The following DZANK1 variants were observed in gnomAD, a reference collection of about 807,000 sequenced individuals.
DZANK1 encodes the protein double zinc ribbon and ankyrin repeat-containing protein 1.
In DZANK1, 91 loss-of-function variants were observed where a neutral mutation model predicts 94.5. That is an observed-to-expected ratio of 0.96 (90% CI 0.81 to 1.15). DZANK1 has a LOEUF of 1.15. DZANK1 is among the 50% of genes most tolerant of loss of function. The pLI is 0.00. For missense variants in DZANK1, 903 were observed against 916.4 expected (o/e 0.99, Z 0.19); for synonymous variants, 312 against 325.3 (o/e 0.96, Z 0.44).
At chr20:18,452,318 G>A (rs947980491) in intron 6 of DZANK1, among the ~76,000 whole-genome samples, 1 of 151,944 alleles carries the variant, frequency 6.6e-6, no homozygotes, top group Non-Finnish European at 1.5e-5. Flanking sequence ...GCAGGTCTGG[G>A]GATCGCCTCT....
intron 6 of DZANK1, among the ~76,000 whole-genome samples, chr20:18,450,927 T>C (rs776673919): frequency 6.6e-5 from 10 of 152,190 alleles, no homozygotes; most frequent in Admixed American, 5.2e-4. Context: ...AAGAATGCAC[T>C]GATATGCCTT....
chr20:18,385,892 C>T (rs1369575667), intron 19 of DZANK1, among the ~76,000 whole-genome samples: 1 of 152,194 alleles, frequency 6.6e-6, no homozygotes. Context: ...CAGGGTTTCT[C>T]TCCGTATTTC....
chr20:18,455,996 G>C (rs2059273331), intron 3 of DZANK1, among the ~76,000 whole-genome samples: 2 of 152,132 alleles, frequency 1.3e-5, no homozygotes, highest in South Asian at 4.1e-4. Flanking sequence ...CATTCTATTG[G>C]TCAAAAGCAA....
chr20:18,429,815 T>G (rs931843105), intron 9 of DZANK1, among the ~76,000 whole-genome samples: 3 of 152,234 alleles, frequency 2.0e-5, no homozygotes, highest in African/African-American at 7.2e-5. Context: ...CACTTCTTTC[T>G]AGAGCAGTGA....
At chr20:18,457,768 A>ATG (rs1158991086) in intron 3 of DZANK1, among the ~76,000 whole-genome samples, 26 of 152,198 alleles carry the variant, frequency 1.7e-4, no homozygotes, top group Non-Finnish European at 1.5e-5. Context: ...CACTGGCCAC[A>ATG]GCCTGGTACA....
rs561595706 is a variant in DZANK1, at chr20:18,408,213, G to A, written c.1432+4433C>T. 3.3e-5 allele frequency among the ~76,000 whole-genome samples: 5 copies of A among 152,316 alleles called. No homozygotes were observed. The South Asian group carries it at 1.0e-3, about 32-fold the overall frequency. On this transcript the variant is annotated intron_variant, in intron 13 of 20. Coordinates refer to ENST00000262547, the Ensembl canonical transcript of DZANK1. ...CGCCCGCTATCCCAGCTACTTGGGAGGCTGAGGCAGGAGAATCGCTTCAAC... is the reference window on the plus strand; with the variant it reads ...CGCCCGCTATCCCAGCTACTTGGGAAGCTGAGGCAGGAGAATCGCTTCAAC...
chr20:18,453,610 C>T, intron 5 of DZANK1, 121 bp downstream of exon 5: 1 of 692,664 alleles, frequency 1.4e-6, no homozygotes, highest in Non-Finnish European at 2.5e-6. Context: ...AGCATACTTT[C>T]CTGCCCCAGT....
chr20:18,429,831 A>G (rs1440575225), intron 9 of DZANK1, among the ~76,000 whole-genome samples: 1 of 152,194 alleles, frequency 6.6e-6, no homozygotes, highest in Non-Finnish European at 1.5e-5. Context: ...AGTGACCACG[A>G]CCCACAGTTA....
Position 18,413,499 on chromosome 20 carries a change from C to T in DZANK1, c.1243-664G>A, listed in dbSNP as rs146331215. ...CAAACTGGGTTAAGAAAGCCATGAA[C>T]GGCTGGGCATGGTGGCTCATGCCTG... On this transcript the variant is annotated intron_variant, in intron 12 of 20. Transcript: ENST00000262547. Among the ~76,000 whole-genome samples, 11 of 152,194 alleles carry T rather than the reference C, an allele frequency of 7.2e-5. No homozygotes were observed. The East Asian group carries it at 2.1e-3, about 29-fold the overall frequency.
At chr20:18,466,811 A>G (rs1001579083) in intron 1 of DZANK1, 185 bp downstream of exon 1, 3 of 152,392 alleles carry the variant, frequency 2.0e-5, no homozygotes, top group African/African-American at 7.2e-5. Flanking sequence ...CGCAGCCCGG[A>G]TCCGGAATCC....
chr20:18,426,884 T>A (rs2058067095), intron 10 of DZANK1, among the ~76,000 whole-genome samples, 183 bp downstream of exon 10: 1 of 152,224 alleles, frequency 6.6e-6, no homozygotes, highest in South Asian at 2.1e-4. Context: ...AAGTTAAGAC[T>A]TTGAAAACAA....
At chr20:18,395,774 C>T (rs1340157442) in intron 15 of DZANK1, among the ~76,000 whole-genome samples, 1 of 152,142 alleles carries the variant, frequency 6.6e-6, no homozygotes, top group Non-Finnish European at 1.5e-5. Context: ...CCTCTCTGAC[C>T]CAAGCTCTGC....
rs201029460 is a variant in DZANK1, at chr20:18,455,587, GA to G, written c.264-227del. Among the ~76,000 whole-genome samples the G allele has an allele frequency of 5.1e-4, 77 of 152,292 alleles. No homozygotes were observed. The East Asian group carries it at 0.014, about 28-fold the overall frequency. On this transcript the variant is annotated intron_variant, in intron 3 of 20. Coordinates refer to ENST00000262547, the Ensembl canonical transcript of DZANK1. ...CCCCAAAGGTAGTGCCTTAAAACAT[GA>G]ATCTGTGGATTCACGGTCCCCACTG...
chr20:18,391,266 C>A (rs2055966850), intron 17 of DZANK1, among the ~76,000 whole-genome samples: 1 of 151,962 alleles, frequency 6.6e-6, no homozygotes, highest in Non-Finnish European at 1.5e-5. Context: ...TGGAGTCTTG[C>A]TCTGTCACCC....
At chr20:18,440,766 C>A (rs1462583289) in intron 8 of DZANK1, among the ~76,000 whole-genome samples, 1 of 152,184 alleles carries the variant, frequency 6.6e-6, no homozygotes, top group African/African-American at 2.4e-5. Context: ...ATCCATTGGG[C>A]AGGAGGCACA....
chr20:18,409,551 TACAC>T (rs71194238), intron 13 of DZANK1, among the ~76,000 whole-genome samples: 37,149 of 142,496 alleles, frequency 0.26, 4,977 homozygotes, highest in South Asian at 0.36. Flanking sequence ...GTAATATGAA[TACAC>T]ACACACACAC....
intron 11 of DZANK1, among the ~76,000 whole-genome samples, chr20:18,414,717 G>A (rs189868746): frequency 1.1e-4 from 16 of 152,266 alleles, no homozygotes; most frequent in Admixed American, 3.3e-4. Context: ...AGAAATCACT[G>A]AAAACAACAC....
chr20:18,425,344 C>G (rs1005409696), intron 10 of DZANK1, among the ~76,000 whole-genome samples: 1 of 152,000 alleles, frequency 6.6e-6, no homozygotes, highest in Non-Finnish European at 1.5e-5. Flanking sequence ...CGAGGTCAGG[C>G]GTTTGAGACT....
intron 13 of DZANK1, among the ~76,000 whole-genome samples, chr20:18,400,532 A>C (rs941834550): frequency 3.9e-5 from 6 of 152,182 alleles, no homozygotes; most frequent in Non-Finnish European, 7.3e-5. Flanking sequence ...AGAGAGATAA[A>C]ATTATTTAAA....
Sources: allele counts gnomAD v4.1 joint callset (sites outside exome capture counted in the v4.1 genomes callset), GRCh38; gene constraint gnomAD v4.1.1; transcripts MANE v1.5; gene names NCBI Gene and HGNC (gene_info 2026-07-23, HGNC 2026-07-21).